Variants in CAMTA1 observed in about 807,000 individuals in gnomAD.
CAMTA1 encodes the protein calmodulin binding transcription activator 1.
CAMTA1 carries 27 observed loss-of-function variants against 170.9 expected under a neutral mutation model. The observed-to-expected ratio is 0.16, with a 90% confidence interval of 0.12 to 0.22. CAMTA1 has a LOEUF of 0.22. Among genes scored for constraint, CAMTA1 ranks in the 10% least tolerant of loss-of-function variants. The pLI is 1.00. For missense variants in CAMTA1, 1,619 were observed against 2,217.2 expected, an observed-to-expected ratio of 0.73 and a Z score of 5.42; for synonymous variants, 833 against 891.5, an observed-to-expected ratio of 0.93 and a Z score of 1.17.
At position 7,609,594 on chromosome 1, in the gene CAMTA1, C is replaced by T. The variant is rs1057423430; in HGVS notation, c.511-30806C>T. ...AGCCAGCCTCAGCCAGGCCATGGCA[C>T]AAAAGGGGAGGGGAGCAGGGTCCTG... On this transcript the variant is annotated intron_variant, in intron 6 of 22. Coordinates refer to ENST00000303635, the MANE Select transcript of CAMTA1 (RefSeq NM_015215.4). The surrounding 1 kb of genome is among the most constrained non-coding windows in gnomAD (Gnocchi z 4.4). Among the ~76,000 whole-genome samples the T allele has an allele frequency of 2.6e-5, 4 of 152,202 alleles. No homozygotes were observed. Among genetic ancestry groups the T allele is most frequent in the Admixed American group, 6.5e-5 (1 of 15,290 alleles).
intron 3 of CAMTA1, among the ~76,000 whole-genome samples, chr1:6,919,299 GC>G (rs1241970795): frequency 6.6e-6 from 1 of 152,184 alleles, no homozygotes; most frequent in Non-Finnish European, 1.5e-5. Context: ...GGAGGAGTGG[GC>G]CCCAGAGGCA....
intron 3 of CAMTA1, among the ~76,000 whole-genome samples, chr1:6,997,396 G>A (rs1697435195): frequency 6.6e-6 from 1 of 152,086 alleles, no homozygotes; most frequent in Non-Finnish European, 1.5e-5. Context: ...AAATTCCGAG[G>A]TGCATATCTT....
chr1:7,156,310 T>G (rs1318244976), intron 4 of CAMTA1, among the ~76,000 whole-genome samples: 1 of 150,462 alleles, frequency 6.6e-6, no homozygotes, highest in Non-Finnish European at 1.5e-5. Flanking sequence ...GGAGAGGGTC[T>G]CTATCTTCAA....
rs953542593 is a variant in CAMTA1, at chr1:7,455,932, T to A, written c.439-11898T>A. 3.3e-5 allele frequency among the ~76,000 whole-genome samples: 5 copies of A among 152,124 alleles called. No homozygotes were observed. The highest frequency in any genetic ancestry group is 9.7e-5 in the African/African-American group (4 of 41,422). ...CCACCTGGGGCTGTGTAGCCGAAGC[T>A]CCCAGCGCCAGAGGGTACAGCCTGA... On this transcript the variant is annotated intron_variant, in intron 5 of 22. Transcript: ENST00000303635. This position sits in a 1 kb window ranked among gnomAD's most constrained non-coding sequence, Gnocchi z 5.0.
rs372261173 is a variant in CAMTA1 at position 7,322,907 on chromosome 1, C to CTCCTT, written c.438+73296_438+73300dup. ...TTCCATGTCATAAATTTCAGCTCCT[C>CTCCTT]TCCTTTCCTTTCCTTTCCTCCCTCT... is the stretch of plus-strand genomic sequence containing the variant. On this transcript the variant is annotated intron_variant, in intron 5 of 22. Coordinates refer to ENST00000303635, the MANE Select transcript of CAMTA1 (RefSeq NM_015215.4). Among the ~76,000 whole-genome samples the CTCCTT allele has an allele frequency of 4.6e-3, 704 of 151,574 alleles. 2 individuals are homozygous for CTCCTT. Among genetic ancestry groups the CTCCTT allele is most frequent in the Non-Finnish European group, 6.7e-3 (457 of 67,896 alleles).
intron 22 of CAMTA1, among the ~76,000 whole-genome samples, chr1:7,758,037 T>C (rs2096943835): frequency 6.6e-6 from 1 of 152,172 alleles, no homozygotes; most frequent in Admixed American, 6.5e-5. Flanking sequence ...TCTGCATATA[T>C]ATAGATAATC....
At chr1:7,019,560 T>C (rs756521625) in intron 3 of CAMTA1, among the ~76,000 whole-genome samples, 1 of 152,010 alleles carries the variant, frequency 6.6e-6, no homozygotes, top group Non-Finnish European at 1.5e-5. Context: ...CAGCGACCCT[T>C]TCCTTCCCAG....
At position 7,752,539 on chromosome 1, in the gene CAMTA1, C is replaced by G; in HGVS notation, c.4958+6C>G. 1.3e-6 allele frequency: 2 copies of G among 1,596,116 alleles called. No individual in the cohort carries two copies. The highest frequency in any genetic ancestry group is 1.7e-6 in the Non-Finnish European group (2 of 1,170,968). On this transcript the variant is annotated splice_donor_region_variant and intron_variant, in intron 21 of 22. Coordinates refer to ENST00000303635, the MANE Select transcript of CAMTA1 (RefSeq NM_015215.4). ...CTTCGCCGCTGTCGCCACAGGTACACTAGTCCTTGTTTATACATTCTGCTC... is the reference window on the plus strand; with the variant it reads ...CTTCGCCGCTGTCGCCACAGGTACAGTAGTCCTTGTTTATACATTCTGCTC...
intron 3 of CAMTA1, among the ~76,000 whole-genome samples, chr1:7,071,494 G>A (rs572092065): frequency 2.6e-5 from 4 of 152,134 alleles, no homozygotes; most frequent in East Asian, 3.9e-4. Flanking sequence ...ATTTCAAATC[G>A]TGATAAATCT....
At position 7,333,783 on chromosome 1, in the gene CAMTA1, C is replaced by T. The variant is rs544105162; in HGVS notation, c.438+84157C>T. Among the ~76,000 whole-genome samples the T allele has an allele frequency of 1.3e-5, 2 of 152,176 alleles. No homozygotes were observed. Among genetic ancestry groups the T allele is most frequent in the Non-Finnish European group, 2.9e-5 (2 of 68,030 alleles). ...AAAATCAACTTTAGATTTGCTTTGC[C>T]GTTTGCAGTCTCTTGAATAAAGCAT... On this transcript the variant is annotated intron_variant, in intron 5 of 22. Coordinates refer to ENST00000303635, the MANE Select transcript of CAMTA1 (RefSeq NM_015215.4). This position sits in a 1 kb window ranked among gnomAD's most constrained non-coding sequence, Gnocchi z 4.4.
At chr1:7,129,400 T>C (rs1645120068) in intron 4 of CAMTA1, among the ~76,000 whole-genome samples, 1 of 152,120 alleles carries the variant, frequency 6.6e-6, no homozygotes, top group South Asian at 2.1e-4. Flanking sequence ...CCTTTTCCTC[T>C]GGGTCTGCTC....
chr1:7,007,096 C>T lies in CAMTA1; in HGVS notation c.235-84208C>T, dbSNP rs577285178. ...GTTTGGCCACAGGTGTCCTGGTAGT[C>T]AGGGCCAAGGGGATGGATGATGGCT... On this transcript the variant is annotated intron_variant, in intron 3 of 22. Coordinates refer to ENST00000303635, the MANE Select transcript of CAMTA1 (RefSeq NM_015215.4). The surrounding 1 kb of genome is among the most constrained non-coding windows in gnomAD (Gnocchi z 4.5). Among the ~76,000 whole-genome samples, 236 of 151,778 alleles carry T rather than the reference C, an allele frequency of 1.6e-3. 4 individuals carry two copies. The South Asian group carries it at 0.025, about 16-fold the overall frequency.
chr1:7,672,743 CA>C (rs749509907), intron 10 of CAMTA1, among the ~76,000 whole-genome samples: 4 of 152,098 alleles, frequency 2.6e-5, no homozygotes, highest in Non-Finnish European at 5.9e-5. Context: ...TTCTTGCAGC[CA>C]CCAGAGCAGA....
At chr1:7,704,580 C>A (rs1558169448) in intron 11 of CAMTA1, among the ~76,000 whole-genome samples, 1 of 148,630 alleles carries the variant, frequency 6.7e-6, no homozygotes, top group South Asian at 2.1e-4. Flanking sequence ...CGAGCGGCTC[C>A]GCGCCCCGCA....
At chr1:7,683,803 T>C (rs907708739) in intron 11 of CAMTA1, among the ~76,000 whole-genome samples, 6 of 152,242 alleles carry the variant, frequency 3.9e-5, no homozygotes, top group Admixed American at 6.5e-5. Flanking sequence ...TCATTATACA[T>C]TGCGGTGGGT....
chr1:7,283,334 G>A (rs1397251656), intron 5 of CAMTA1, among the ~76,000 whole-genome samples: 2 of 152,118 alleles, frequency 1.3e-5, no homozygotes, highest in African/African-American at 4.8e-5. Flanking sequence ...ATATTGTTCT[G>A]TGGTCAGCCC....
chr1:7,589,268 G>A (rs2095336362), intron 6 of CAMTA1, among the ~76,000 whole-genome samples: 2 of 152,218 alleles, frequency 1.3e-5, no homozygotes, highest in African/African-American at 4.8e-5. Context: ...CCAAGGAGAG[G>A]GTGCCCAAGT....
chr1:7,096,869 T>C (rs923990338), intron 4 of CAMTA1, among the ~76,000 whole-genome samples: 1 of 152,204 alleles, frequency 6.6e-6, no homozygotes, highest in Admixed American at 6.5e-5. Context: ...TCCTGGGAGC[T>C]GAGGTTGACT....
intron 3 of CAMTA1, among the ~76,000 whole-genome samples, chr1:6,827,261 G>T (rs1021466071): frequency 6.6e-5 from 10 of 152,194 alleles, no homozygotes; most frequent in Non-Finnish European, 1.3e-4. Context: ...AAGGGTGGAG[G>T]CAGCAGGAGG....
Sources: allele counts gnomAD v4.1 joint callset (sites outside exome capture counted in the v4.1 genomes callset), GRCh38; gene constraint gnomAD v4.1.1; non-coding constraint Gnocchi (gnomAD v3.1); transcripts MANE v1.5; gene names NCBI Gene and HGNC (gene_info 2026-07-23, HGNC 2026-07-21).